The following USP2 variants were observed in gnomAD, a reference collection of about 807,000 sequenced individuals.
USP2 encodes the protein ubiquitin specific peptidase 2, also known as ubiquitin carboxyl-terminal hydrolase 2.
In USP2, 33 loss-of-function variants were observed where a neutral mutation model predicts 72.0. The observed-to-expected ratio is 0.46, with a 90% CI of 0.35 to 0.61. The LOEUF is 0.61. USP2 is among the 20% of genes least tolerant of loss of function. USP2 has a pLI of 0.01. For missense variants in USP2, 691 were observed against 797.8 expected (o/e 0.87, Z 1.61); for synonymous variants, 296 against 312.5 (o/e 0.95, Z 0.56).
intron 2 of USP2, among the ~76,000 whole-genome samples, chr11:119,368,277 G>A (rs1388175282): frequency 6.6e-6 from 1 of 152,220 alleles, no homozygotes; most frequent in African/African-American, 2.4e-5. Context: ...TGATCCCGGG[G>A]TGGGAGTAGG....
At chr11:119,356,983 T>G in intron 12 of USP2, 61 bp from the exon 13 acceptor site, 2 of 1,530,564 alleles carry the variant, frequency 1.3e-6, no homozygotes, top group Non-Finnish European at 1.8e-6. Flanking sequence ...CCCGCCGGCT[T>G]CTTTCTGTGC....
chr11:119,364,756 G>A (rs1950828983), intron 2 of USP2, among the ~76,000 whole-genome samples: 1 of 152,210 alleles, frequency 6.6e-6, no homozygotes, highest in African/African-American at 2.4e-5. Context: ...CGGCCTAGGG[G>A]CTGAGCTGCC....
intron 2 of USP2, among the ~76,000 whole-genome samples, chr11:119,369,482 G>A (rs939933237): frequency 2.0e-5 from 3 of 152,100 alleles, no homozygotes; most frequent in African/African-American, 7.3e-5. Flanking sequence ...AATCCCCTGG[G>A]ACACAGGATG....
chr11:119,379,517 C>T (rs990859244), intron 1 of USP2, among the ~76,000 whole-genome samples: 4 of 152,188 alleles, frequency 2.6e-5, no homozygotes, highest in African/African-American at 9.7e-5. Flanking sequence ...AAGCAGCTTG[C>T]TCAAGGGCAT....
At chr11:119,360,328 A>G in intron 2 of USP2, 94 bp from the exon 3 acceptor site, 1 of 1,238,518 alleles carries the variant, frequency 8.1e-7, no homozygotes, top group Non-Finnish European at 1.2e-6. Context: ...CTGGAGCCAC[A>G]GGCAGCAGGC....
chr11:119,372,283 A>G (rs1185589499), intron 2 of USP2, among the ~76,000 whole-genome samples: 1 of 152,224 alleles, frequency 6.6e-6, no homozygotes, highest in African/African-American at 2.4e-5. Flanking sequence ...TAAAGCCTGC[A>G]CAAGAGGGGA....
At chr11:119,365,916 A>G (rs1245597419) in intron 2 of USP2, among the ~76,000 whole-genome samples, 1 of 147,624 alleles carries the variant, frequency 6.8e-6, no homozygotes, top group Non-Finnish European at 1.5e-5. Flanking sequence ...TTTTTTTGAG[A>G]CGGAGGCTTG....
At chr11:119,363,875 C>A in intron 2 of USP2, 1 of 1,378,242 alleles carries the variant, frequency 7.3e-7, no homozygotes. Context: ...AGGAGCCCCA[C>A]GAAGGTGGAG....
intron 1 of USP2, among the ~76,000 whole-genome samples, chr11:119,374,427 C>A (rs1401315264): frequency 1.3e-5 from 2 of 152,222 alleles, no homozygotes; most frequent in African/African-American, 4.8e-5. Context: ...AGTGAAGGAA[C>A]ACAGACACTG....
chr11:119,357,768 A>G lies in USP2; in HGVS notation c.1490T>C (p.Ile497Thr). 1.2e-6 allele frequency: 2 copies of G among 1,613,926 alleles called. No homozygotes were observed. The highest frequency in any genetic ancestry group is 1.7e-6 in the Non-Finnish European group (2 of 1,180,032). ...KKFSIQRFPKILVLHLKRFSE... is the reference protein window; with the variant it reads ...KKFSIQRFPKTLVLHLKRFSE... ...GATCTTAAGGATACGGAGCACCAAG[A>G]TCTTTGGGAACCTCTGGATGGAGAA... The change falls in exon 10 of 13, where the codon ATC becomes ACC. Residue 497 changes from isoleucine (I) to threonine (T), a missense_variant. Coordinates refer to ENST00000260187, the MANE Select transcript of USP2 (RefSeq NM_004205.5).
intron 2 of USP2, among the ~76,000 whole-genome samples, chr11:119,369,247 T>G (rs921178492): frequency 6.6e-6 from 1 of 152,138 alleles, no homozygotes. Context: ...TACACAAGCA[T>G]GGGGAGGGGA....
At chr11:119,358,575 C>T (rs1950711696) in intron 7 of USP2, 198 bp downstream of exon 7, 1 of 680,686 alleles carries the variant, frequency 1.5e-6, no homozygotes. Flanking sequence ...CTTGGCCTCC[C>T]AAAGTGTTGG....
At chr11:119,359,000 C>T (rs1194529259) in intron 6 of USP2, 24 bp downstream of exon 6, 1 of 1,612,170 alleles carries the variant, frequency 6.2e-7, no homozygotes, top group Non-Finnish European at 8.5e-7. Flanking sequence ...TTTTGCTTTC[C>T]CACAGCATTC....
At position 119,360,223 on chromosome 11, in the gene USP2, A is replaced by G; in HGVS notation, c.786T>C (p.Ser262=). 1 of 1,613,928 alleles carries G rather than the reference A, an allele frequency of 6.2e-7. No individual in the cohort carries two copies. The highest frequency in any genetic ancestry group is 1.3e-5 in the African/African-American group (1 of 75,006). Residue 262 remains serine, a synonymous_variant, in exon 3 of 13, where the codon AGT becomes AGC. Coordinates refer to ENST00000260187, the MANE Select transcript of USP2 (RefSeq NM_004205.5). ...TTCGAAGACCAGCCAGACCCTGGGC[A>G]CTCTTAGAATTCTGTAAGCAAAGAA... ...SPGRDGMNSK[S]AQGLAGLRNL...
At chr11:119,375,809 C>A (rs1048358694) in intron 1 of USP2, among the ~76,000 whole-genome samples, 3 of 152,158 alleles carry the variant, frequency 2.0e-5, no homozygotes, top group African/African-American at 7.2e-5. Flanking sequence ...GCCCCAAGCC[C>A]GTGACATCCC....
Position 119,372,824 on chromosome 11 carries a change from T to G in USP2, c.657A>C (p.Arg219=). ...SQVPSQAPPS[R]VPEIISPTYR... ...AGGTTGGGCTGATGATTTCAGGGAC[T>G]CGTGAGGGAGGGGCCTGGGAGGGCA... Residue 219 remains arginine (R), a synonymous_variant, in exon 2 of 13, where the codon CGA becomes CGC. Coordinates refer to ENST00000260187, the MANE Select transcript of USP2 (RefSeq NM_004205.5). 6.2e-7 allele frequency: 1 copy of G among 1,607,674 alleles called. No homozygotes were observed. The highest frequency in any genetic ancestry group is 8.5e-7 in the Non-Finnish European group (1 of 1,177,284).
intron 1 of USP2, among the ~76,000 whole-genome samples, chr11:119,380,196 T>G (rs1951044932): frequency 6.6e-6 from 1 of 152,002 alleles, no homozygotes; most frequent in Admixed American, 6.6e-5. Flanking sequence ...ATTACTGCAC[T>G]TTGAGCCACT....
chr11:119,360,423 T>C (rs1950745481), intron 2 of USP2, 189 bp from the exon 3 acceptor site: 1 of 700,662 alleles, frequency 1.4e-6, no homozygotes, highest in East Asian at 2.9e-5. Flanking sequence ...TTTTCTTTTC[T>C]TTTCTTTTTT....
intron 12 of USP2, 96 bp downstream of exon 12, chr11:119,357,091 G>C: frequency 1.6e-6 from 2 of 1,234,676 alleles, no homozygotes; most frequent in Non-Finnish European, 2.2e-6. Context: ...AAGCCGTGCG[G>C]GGGGTGGGAG....
Sources: gnomAD v4.1 joint callset for allele counts (sites outside exome capture counted in the v4.1 genomes callset) on GRCh38, gnomAD v4.1.1 for gene constraint, MANE v1.5 for transcripts, NCBI Gene and HGNC (gene_info 2026-07-23, HGNC 2026-07-21) for gene names.